Variants in STK40 observed in about 807,000 individuals in gnomAD.
STK40 encodes serine/threonine-protein kinase 40.
A neutral mutation model predicts 47.9 loss-of-function variants in STK40; 13 were observed. That is an observed-to-expected ratio of 0.27 (90% CI 0.18 to 0.43). The LOEUF (loss-of-function observed/expected upper bound fraction) is 0.43. STK40 is among the 20% of genes least tolerant of loss of function. STK40 has a pLI of 1.00. For missense variants in STK40, 460 were observed against 595.1 expected (o/e 0.77, Z 2.36); for synonymous variants, 225 against 243.2 (o/e 0.93, Z 0.69).
At position 36,358,790 on chromosome 1, in the gene STK40, T is replaced by C. The variant is rs966806411; in HGVS notation, c.145A>G (p.Ile49Val). The change falls in exon 3 of 11, where the codon ATA becomes GTA. Residue 49 changes from isoleucine (I) to valine (V), a missense_variant. Around this residue, in one of 3 missense-constraint regions of STK40, gnomAD observed 277 missense variants for 358.7 expected, o/e 0.77. Coordinates refer to ENST00000373132, the MANE Select transcript of STK40 (RefSeq NM_001282547.2). ...PRLGNSPVPS[I>V]VQCLARKDGT... Reference sequence around the variant, plus strand: ...TCTTTCCTCGCCAAACACTGCACTATGCTTGGCACCGGTGAGTTGCCCAGA... The same window carrying C: ...TCTTTCCTCGCCAAACACTGCACTACGCTTGGCACCGGTGAGTTGCCCAGA... The C allele has an allele frequency of 6.2e-7, 1 of 1,614,160 alleles. No individual in the cohort carries two copies. Among genetic ancestry groups the C allele is most frequent in the Admixed American group, 1.7e-5 (1 of 60,024 alleles).
In STK40 at chr1:36,341,836, C is replaced by T. The variant is rs201662493; in HGVS notation, c.1227G>A (p.Pro409=). 213 of 1,613,672 alleles carry T rather than the reference C, an allele frequency of 1.3e-4. 1 individual carries two copies. The South Asian group carries it at 1.8e-3, about 13-fold the overall frequency. Residue 409 remains proline (P), a synonymous_variant, in exon 11 of 11, where the codon CCG becomes CCA. Transcript: ENST00000373132. ...VPKRQFGSAP[P]VRRLGHDAQP... The stretch of plus-strand genomic sequence containing the variant: ...GTGCGTCGTGGCCCAGCCGTCGCAC[C>T]GGTGGTGCGCTGCCGAACTGCCGCT...
intron 6 of STK40, among the ~76,000 whole-genome samples, chr1:36,352,132 C>T (rs1646764169): frequency 6.6e-6 from 1 of 152,194 alleles, no homozygotes; most frequent in African/African-American, 2.4e-5. Context: ...CCACCACCTC[C>T]TCTCATGATG....
chr1:36,368,811 G>C (rs1218697254), intron 1 of STK40, among the ~76,000 whole-genome samples: 2 of 152,214 alleles, frequency 1.3e-5, no homozygotes, highest in Non-Finnish European at 2.9e-5. Context: ...CTGTTTATTA[G>C]ATAATAGTAT....
intron 2 of STK40, among the ~76,000 whole-genome samples, chr1:36,360,230 G>C (rs1456505675): frequency 6.6e-6 from 1 of 152,206 alleles, no homozygotes; most frequent in Non-Finnish European, 1.5e-5. Flanking sequence ...TGAATGACTG[G>C]AGCTGGAACT....
At chr1:36,366,006 G>T (rs930245852) in intron 1 of STK40, 3 of 152,186 alleles carry the variant, frequency 2.0e-5, no homozygotes, top group Admixed American at 6.5e-5. Context: ...TGCCAGGGTC[G>T]GCGGCCCTGG....
At position 36,341,894 on chromosome 1, in the gene STK40, C is replaced by T. The variant is rs1646652030; in HGVS notation, c.1169G>A (p.Ser390Asn). 6.2e-7 allele frequency: 1 copy of T among 1,614,022 alleles called. No individual in the cohort carries two copies. The highest frequency in any genetic ancestry group is 8.5e-7 in the Non-Finnish European group (1 of 1,179,980). ...CCAGCTCCGGGCGTCATGGATGGAG[C>T]TCTTCTCCTCGGCCAGCAGCAGCTG... is the stretch of plus-strand genomic sequence containing the variant. ...RQQLLLAEEK[S>N]SIHDARSWVP... Residue 390 changes from serine to asparagine, a missense_variant, in exon 11 of 11, where the codon AGC becomes AAC. Transcript: ENST00000373132.
At chr1:36,353,644 C>T (rs1180387951) in intron 6 of STK40, among the ~76,000 whole-genome samples, 4 of 152,200 alleles carry the variant, frequency 2.6e-5, no homozygotes, top group Non-Finnish European at 4.4e-5. Context: ...TAAGAGAATG[C>T]CCCTCCCTAA....
At chr1:36,359,126 G>C (rs1020945986) in intron 2 of STK40, among the ~76,000 whole-genome samples, 6 of 152,234 alleles carry the variant, frequency 3.9e-5, no homozygotes, top group Admixed American at 2.0e-4. Flanking sequence ...AGAGATCCAG[G>C]CTGGGTGTGG....
chr1:36,343,289 T>C (rs1300895759), intron 10 of STK40, 75 bp downstream of exon 10: 1 of 1,500,974 alleles, frequency 6.7e-7, no homozygotes, highest in East Asian at 2.4e-5. Context: ...CTGCCACCTC[T>C]GCCCTTGCCC....
At chr1:36,358,944 A>AC in intron 2 of STK40, 122 bp from the exon 3 acceptor site, 1 of 1,049,328 alleles carries the variant, frequency 9.5e-7, no homozygotes, top group Non-Finnish European at 1.4e-6. Flanking sequence ...TGTGTACTGG[A>AC]CTGACCCTCC....
At chr1:36,350,841 T>A (rs1646745856) in intron 6 of STK40, among the ~76,000 whole-genome samples, 2 of 152,220 alleles carry the variant, frequency 1.3e-5, no homozygotes, top group African/African-American at 4.8e-5. Flanking sequence ...CAGGCACAGC[T>A]GAGGCTCTGC....
chr1:36,355,396 C>T lies in STK40; in HGVS notation c.380G>A (p.Ser127Asn), dbSNP rs1254851919. ...TCEIVEDTES[S>N]RMVKKMKKRI... ...CTTCTTCATCTTCTTAACCATCCGGCTGGATTCTGTGTCCTCAACGATTTC... is the reference window on the plus strand; with the variant it reads ...CTTCTTCATCTTCTTAACCATCCGGTTGGATTCTGTGTCCTCAACGATTTC... The change falls in exon 5 of 11, where the codon AGC (serine) becomes AAC (asparagine). Residue 127 changes from serine to asparagine, a missense_variant. Coordinates refer to ENST00000373132, the MANE Select transcript of STK40 (RefSeq NM_001282547.2). 6.2e-7 allele frequency: 1 copy of T among 1,614,196 alleles called. No individual in the cohort carries two copies. The highest frequency in any genetic ancestry group is 1.7e-5 in the Admixed American group (1 of 60,022).
intron 1 of STK40, chr1:36,368,138 T>C (rs1646916797): frequency 6.6e-6 from 1 of 152,312 alleles, no homozygotes; most frequent in African/African-American, 2.4e-5. Context: ...TCACTGTGTG[T>C]AAATATACCT....
In STK40 at chr1:36,344,376, A is replaced by C. The variant is rs147395556; in HGVS notation, c.740-112T>G. 1,115 of 1,402,980 alleles carry C rather than the reference A, an allele frequency of 7.9e-4. 3 individuals carry two copies. The African/African-American group carries it at 0.012, about 15-fold the overall frequency. 86.9% of individuals were successfully genotyped at this position (1,402,980 alleles called of 1,614,324 possible). A position where few individuals can be genotyped will look rare whatever the true frequency, so the allele number is the denominator to read the frequency against. On this transcript the variant is annotated intron_variant, in intron 7 of 10. Transcript: ENST00000373132. ...TGCCACCCTCACTTCCAGTCCCCCC[A>C]GAGTCGTCCTCTGAGCTCCTGCCCG...
chr1:36,344,274 C>A lies in STK40; in HGVS notation c.740-10G>T. On this transcript the variant is annotated splice_polypyrimidine_tract_variant and intron_variant, in intron 7 of 10. Transcript: ENST00000373132. The stretch of plus-strand genomic sequence containing the variant: ...CCACGGTACGGCCGGCCTACGGGCA[C>A]ACACATACCACACTGTCTTCAGGCC... 1.3e-6 allele frequency: 2 copies of A among 1,579,626 alleles called. No homozygotes were observed. Among genetic ancestry groups the A allele is most frequent in the Non-Finnish European group, 8.6e-7 (1 of 1,162,656 alleles).
intron 1 of STK40, among the ~76,000 whole-genome samples, chr1:36,370,922 G>A (rs1431305006): frequency 6.6e-6 from 1 of 151,128 alleles, no homozygotes; most frequent in African/African-American, 2.4e-5. Context: ...TGTCACCCAG[G>A]CTGGAGTGCA....
chr1:36,378,942 G>C (rs1647016043), intron 1 of STK40, among the ~76,000 whole-genome samples: 1 of 152,156 alleles, frequency 6.6e-6, no homozygotes, highest in African/African-American at 2.4e-5. Flanking sequence ...GATTCCAAAA[G>C]CCCCACGGAA....
At chr1:36,344,509 C>A (rs1646683077) in intron 7 of STK40, among the ~76,000 whole-genome samples, 1 of 152,228 alleles carries the variant, frequency 6.6e-6, no homozygotes, top group Admixed American at 6.5e-5. Flanking sequence ...TGGCGAGCCC[C>A]TGGGAGCCAG....
At chr1:36,376,219 C>T (rs188269739) in intron 1 of STK40, among the ~76,000 whole-genome samples, 23 of 152,202 alleles carry the variant, frequency 1.5e-4, no homozygotes, top group Non-Finnish European at 2.1e-4. Flanking sequence ...GAGCTGGACA[C>T]GGCAGATCAC....
Sources: allele counts gnomAD v4.1 joint callset (sites outside exome capture counted in the v4.1 genomes callset), GRCh38; gene constraint gnomAD v4.1.1; regional missense constraint gnomAD v4.1.1; transcripts MANE v1.5; gene names NCBI Gene and HGNC (gene_info 2026-07-23, HGNC 2026-07-21).